Variants in CNTNAP2 observed in about 807,000 individuals in gnomAD.
CNTNAP2 encodes the protein contactin-associated protein-like 2.
In CNTNAP2, 98 loss-of-function variants were observed where a neutral mutation model predicts 155.2. The ratio of observed to expected loss-of-function variants is 0.63; its 90% confidence interval spans 0.54 to 0.75. The LOEUF is 0.75. CNTNAP2 is among the 30% of genes least tolerant of loss of function. CNTNAP2 has a pLI of 0.00. For missense variants in CNTNAP2, 1,727 were observed against 1,688.1 expected, an observed-to-expected ratio of 1.02 and a Z score of -0.40; for synonymous variants, 651 against 631.2, an observed-to-expected ratio of 1.03 and a Z score of -0.47.
intron 15 of CNTNAP2, among the ~76,000 whole-genome samples, chr7:148,053,318 A>T (rs1250346267): frequency 6.6e-6 from 1 of 152,224 alleles, no homozygotes; most frequent in African/African-American, 2.4e-5. Context: ...TTATTCATAT[A>T]CTTTTAAAAT....
intron 15 of CNTNAP2, among the ~76,000 whole-genome samples, chr7:148,068,044 G>C (rs923479428): frequency 6.6e-6 from 1 of 152,146 alleles, no homozygotes; most frequent in Non-Finnish European, 1.5e-5. Context: ...GGTGAGCAGA[G>C]CTGAGGTCTT....
At chr7:146,289,773 C>T (rs1355055980) in intron 1 of CNTNAP2, among the ~76,000 whole-genome samples, 1 of 152,122 alleles carries the variant, frequency 6.6e-6, no homozygotes, top group Non-Finnish European at 1.5e-5. Context: ...GAAATTATCT[C>T]ATTTTATATT....
In CNTNAP2 at chr7:147,874,133, C is replaced by T. The variant is rs191839691; in HGVS notation, c.2099-29432C>T. Among the ~76,000 whole-genome samples the T allele has an allele frequency of 2.1e-4, 32 of 152,248 alleles. No individual in the cohort carries two copies. The East Asian group carries it at 2.3e-3, about 11-fold the overall frequency. On this transcript the variant is annotated intron_variant, in intron 13 of 23. Coordinates refer to ENST00000361727, the MANE Select transcript of CNTNAP2 (RefSeq NM_014141.6). ...AACGTCTACAGCATTTCCAGGCTCACGGTGCAAGCTCTCAGTGGATCTACC... is the reference window on the plus strand; with the variant it reads ...AACGTCTACAGCATTTCCAGGCTCATGGTGCAAGCTCTCAGTGGATCTACC...
At chr7:147,220,064 C>G (rs1326842787) in intron 8 of CNTNAP2, among the ~76,000 whole-genome samples, 1 of 151,306 alleles carries the variant, frequency 6.6e-6, no homozygotes, top group Non-Finnish European at 1.5e-5. Context: ...GCTGGGATTA[C>G]AGGCGTGAAC....
intron 13 of CNTNAP2, among the ~76,000 whole-genome samples, chr7:147,889,264 AAAG>A (rs1367613991): frequency 1.3e-5 from 2 of 152,254 alleles, no homozygotes; most frequent in African/African-American, 4.8e-5. Context: ...AGAGAGAAAA[AAAG>A]GTACAAATAT....
chr7:148,369,756 G>C (rs1475592014), intron 21 of CNTNAP2, among the ~76,000 whole-genome samples: 1 of 151,784 alleles, frequency 6.6e-6, no homozygotes, highest in African/African-American at 2.4e-5. Context: ...GCATTGCCAG[G>C]AGGAGGCAGA....
chr7:148,164,254 T>A (rs1336770458), intron 17 of CNTNAP2, among the ~76,000 whole-genome samples: 2 of 152,178 alleles, frequency 1.3e-5, no homozygotes, highest in Non-Finnish European at 2.9e-5. Context: ...AGGTTTTTTT[T>A]TAACGGGTTC....
rs148083545 is a variant in CNTNAP2 at position 147,609,462 on chromosome 7, C to T, written c.1898-29644C>T. 6.4e-3 allele frequency among the ~76,000 whole-genome samples: 974 copies of T among 152,020 alleles called. 11 individuals carry two copies. Among genetic ancestry groups the T allele is most frequent in the African/African-American group, 0.022 (929 of 41,464 alleles). On this transcript the variant is annotated intron_variant, in intron 12 of 23. Coordinates refer to ENST00000361727, the MANE Select transcript of CNTNAP2 (RefSeq NM_014141.6). The stretch of plus-strand genomic sequence containing the variant: ...GGGAGAATGGTGTGAACCTGGGAGG[C>T]GGAACTTGCAGTGAGCCAAGATCAC...
chr7:148,296,580 A>C (rs1229943205), intron 21 of CNTNAP2, among the ~76,000 whole-genome samples: 1 of 142,980 alleles, frequency 7.0e-6, no homozygotes, highest in Admixed American at 7.2e-5. Context: ...TATCCCGTGA[A>C]ATTCTGCCAG....
chr7:146,177,612 C>G (rs920924334), intron 1 of CNTNAP2, among the ~76,000 whole-genome samples: 1 of 152,086 alleles, frequency 6.6e-6, no homozygotes, highest in Non-Finnish European at 1.5e-5. Context: ...TAGTTCGTAC[C>G]GGATTTCTCT....
At chr7:148,390,895 C>CTATAACAGATGTCAT (rs1449539304) in intron 22 of CNTNAP2, among the ~76,000 whole-genome samples, 3 of 152,206 alleles carry the variant, frequency 2.0e-5, no homozygotes, top group African/African-American at 7.2e-5. Context: ...CACTGCACAA[C>CTATAACAGATGTCAT]TATAACAGAT....
At chr7:147,630,314 A>AG in intron 12 of CNTNAP2, among the ~76,000 whole-genome samples, 1 of 115,534 alleles carries the variant, frequency 8.7e-6, no homozygotes, top group South Asian at 3.1e-4. Flanking sequence ...TTGAAACAGT[A>AG]GTAAAAAAAA....
At chr7:146,423,583 TCTGCTC>T (rs1247977244) in intron 1 of CNTNAP2, among the ~76,000 whole-genome samples, 4 of 152,202 alleles carry the variant, frequency 2.6e-5, no homozygotes, top group Non-Finnish European at 5.9e-5. Flanking sequence ...CACCTGCTTT[TCTGCTC>T]CCCAAAGGGG....
At chr7:148,283,279 G>GTTC (rs1369476154) in intron 21 of CNTNAP2, among the ~76,000 whole-genome samples, 1 of 103,088 alleles carries the variant, frequency 9.7e-6, no homozygotes, top group Non-Finnish European at 2.0e-5. Context: ...AAGAAAGAAA[G>GTTC]AAAGAAAGAA....
intron 3 of CNTNAP2, among the ~76,000 whole-genome samples, chr7:146,896,670 C>T (rs1049352211): frequency 1.3e-5 from 2 of 151,862 alleles, no homozygotes; most frequent in Non-Finnish European, 2.9e-5. Flanking sequence ...ATTACTTTTG[C>T]ACCGACCTAA....
rs139695779 is a variant in CNTNAP2, at chr7:148,241,306, A to G, written c.3381+11527A>G. Among the ~76,000 whole-genome samples, 16 of 152,344 alleles carry G rather than the reference A, an allele frequency of 1.1e-4. No individual in the cohort carries two copies. The East Asian group carries it at 2.5e-3, about 24-fold the overall frequency. On this transcript the variant is annotated intron_variant, in intron 20 of 23. Transcript: ENST00000361727. ...AATTCCCTTCTCTTTCTTAAAAGCA[A>G]AAAATAAAATAGCAGATGTCAGGAT...
intron 12 of CNTNAP2, among the ~76,000 whole-genome samples, chr7:147,617,505 T>G: frequency 6.6e-6 from 1 of 152,168 alleles, no homozygotes; most frequent in East Asian, 1.9e-4. Context: ...TGTTGCCATT[T>G]TAAAATAATA....
At chr7:147,324,317 AT>A (rs1365980731) in intron 9 of CNTNAP2, among the ~76,000 whole-genome samples, 1 of 152,212 alleles carries the variant, frequency 6.6e-6, no homozygotes, top group Admixed American at 6.5e-5. Context: ...AATTAACCAT[AT>A]TTTAAAAACT....
chr7:148,010,459 A>T (rs1454018634), intron 15 of CNTNAP2, among the ~76,000 whole-genome samples: 1 of 151,146 alleles, frequency 6.6e-6, no homozygotes, highest in Non-Finnish European at 1.5e-5. Context: ...TTTTTCTTTT[A>T]TGATGTCTTT....
Sources: gnomAD v4.1 joint callset for allele counts (sites outside exome capture counted in the v4.1 genomes callset) on GRCh38, gnomAD v4.1.1 for gene constraint, MANE v1.5 for transcripts, NCBI Gene and HGNC (gene_info 2026-07-23, HGNC 2026-07-21) for gene names.